Variants in KANK1 observed in about 807,000 individuals in gnomAD.
KANK1 encodes the protein KN motif and ankyrin repeat domains 1, also known as KN motif and ankyrin repeat domain-containing protein 1.
KANK1 carries 109 observed loss-of-function variants against 106.2 expected under a neutral mutation model. That is an observed-to-expected ratio of 1.03 (90% confidence interval 0.88 to 1.20). The LOEUF (loss-of-function observed/expected upper bound fraction) is 1.20. Among genes scored for constraint, KANK1 ranks in the 50% most tolerant of loss-of-function variants. KANK1 has a pLI of 0.00. For missense variants in KANK1, 2,399 were observed against 1,710.7 expected (o/e 1.40, Z -7.10); for synonymous variants, 873 against 652.2 (o/e 1.34, Z -5.16).
At chr9:669,617 T>G (rs556216597) in intron 1 of KANK1, among the ~76,000 whole-genome samples, 1 of 152,284 alleles carries the variant, frequency 6.6e-6, no homozygotes, top group African/African-American at 2.4e-5. Context: ...TTTCTTTGTA[T>G]GTTATATCCT....
chr9:534,830 G>A (rs529468544), intron 1 of KANK1, among the ~76,000 whole-genome samples: 97 of 152,294 alleles, frequency 6.4e-4, no homozygotes, highest in African/African-American at 2.3e-3. Context: ...ATCTTAAGTA[G>A]AAAATTCTAT....
intron 3 of KANK1, among the ~76,000 whole-genome samples, chr9:716,757 A>G (rs964761146): frequency 2.0e-5 from 3 of 152,352 alleles, no homozygotes; most frequent in South Asian, 2.1e-4. Context: ...TAGAGCATGC[A>G]TCATAAGAAA....
intron 1 of KANK1, among the ~76,000 whole-genome samples, chr9:520,209 G>A (rs1310324150): frequency 6.6e-6 from 1 of 151,606 alleles, no homozygotes; most frequent in Admixed American, 6.6e-5. Flanking sequence ...GTGGTAGCAC[G>A]CCCCTGTAGT....
chr9:513,350 T>G (rs990910840), intron 1 of KANK1, among the ~76,000 whole-genome samples: 4 of 152,214 alleles, frequency 2.6e-5, no homozygotes, highest in East Asian at 3.8e-4. Flanking sequence ...TCTTGCTTTT[T>G]TCATTACCAA....
Position 607,583 on chromosome 9 carries a change from C to T in KANK1, c.-83-69307C>T, listed in dbSNP as rs1448339009. ...GGGCTTGTTGGTTCTTGTGCAGATT[C>T]CTGCTCCTGCCCAAGTCCAGGACTA... On this transcript the variant is annotated intron_variant, in intron 1 of 11. Coordinates refer to ENST00000382297, the MANE Select transcript of KANK1 (RefSeq NM_015158.5). Among the ~76,000 whole-genome samples the T allele has an allele frequency of 2.7e-5, 4 of 150,692 alleles. 1 individual carries two copies. Among genetic ancestry groups the T allele is most frequent in the African/African-American group, 9.9e-5 (4 of 40,600 alleles).
At chr9:576,956 A>G (rs971451191) in intron 1 of KANK1, among the ~76,000 whole-genome samples, 1 of 152,168 alleles carries the variant, frequency 6.6e-6, no homozygotes, top group African/African-American at 2.4e-5. Context: ...TACAGTTCTT[A>G]AAGATGGTGT....
At chr9:728,280 C>A (rs1321159283) in intron 3 of KANK1, among the ~76,000 whole-genome samples, 1 of 149,744 alleles carries the variant, frequency 6.7e-6, no homozygotes, top group Non-Finnish European at 1.5e-5. Context: ...GGCACTACAA[C>A]CTCCACCTCC....
At chr9:691,712 C>G (rs144494001) in intron 2 of KANK1, among the ~76,000 whole-genome samples, 2 of 149,424 alleles carry the variant, frequency 1.3e-5, no homozygotes, top group African/African-American at 5.0e-5. Flanking sequence ...CTCCCAGGCT[C>G]AAGTAATCCT....
chr9:499,050 C>T (rs867897586), intron 3 of KANK1, among the ~76,000 whole-genome samples: 13 of 151,732 alleles, frequency 8.6e-5, no homozygotes, highest in East Asian at 1.9e-4. Context: ...TGGTGGCGAG[C>T]GCCTGTAGTC....
chr9:482,907 C>G (rs1237214654), intron 3 of KANK1, among the ~76,000 whole-genome samples: 1 of 152,156 alleles, frequency 6.6e-6, no homozygotes, highest in East Asian at 1.9e-4. Flanking sequence ...TCTTAGCCAT[C>G]CTGCTCTGCC....
intron 3 of KANK1, among the ~76,000 whole-genome samples, chr9:475,805 G>C (rs974348273): frequency 6.6e-6 from 1 of 151,910 alleles, no homozygotes; most frequent in Non-Finnish European, 1.5e-5. Context: ...TCTTCCAGGC[G>C]CTCCCATCTG....
intron 1 of KANK1, among the ~76,000 whole-genome samples, chr9:524,552 C>T (rs2059695750): frequency 6.6e-6 from 1 of 151,692 alleles, no homozygotes; most frequent in Non-Finnish European, 1.5e-5. Flanking sequence ...GTGTCTTGGC[C>T]TGTCACCCAG....
intron 1 of KANK1, among the ~76,000 whole-genome samples, chr9:634,601 C>T (rs1042685077): frequency 6.6e-6 from 1 of 152,132 alleles, no homozygotes. Context: ...CTTTATTAGT[C>T]TTACAAAGGC....
At chr9:593,451 T>TC (rs34970472) in intron 1 of KANK1, among the ~76,000 whole-genome samples, 8,752 of 140,350 alleles carry the variant, frequency 0.062, 816 homozygotes, top group East Asian at 0.21. Context: ...CTTTATACAT[T>TC]CCCCCCCCCC....
intron 1 of KANK1, among the ~76,000 whole-genome samples, chr9:623,938 T>C (rs768823099): frequency 5.3e-5 from 8 of 152,120 alleles, no homozygotes; most frequent in Non-Finnish European, 1.2e-4. Context: ...CCATATTTAT[T>C]TCAGCATTAC....
intron 2 of KANK1, chr9:685,430 A>C (rs147116447): frequency 6.6e-6 from 1 of 152,344 alleles, no homozygotes; most frequent in African/African-American, 2.4e-5. Flanking sequence ...AGATAGAAAA[A>C]CAGAACTATA....
chr9:658,629 A>G (rs1211576782), intron 1 of KANK1, among the ~76,000 whole-genome samples: 1 of 152,038 alleles, frequency 6.6e-6, no homozygotes, highest in East Asian at 1.9e-4. Flanking sequence ...TTTTAGATTT[A>G]AGATTCATTT....
intron 7 of KANK1, among the ~76,000 whole-genome samples, 194 bp from the exon 8 acceptor site, chr9:738,091 T>C (rs1356593964): frequency 1.3e-5 from 2 of 152,228 alleles, no homozygotes; most frequent in Non-Finnish European, 2.9e-5. Flanking sequence ...CATTAGAATC[T>C]ACACGTCATT....
At chr9:708,568 T>C (rs1824981514) in intron 2 of KANK1, among the ~76,000 whole-genome samples, 1 of 152,234 alleles carries the variant, frequency 6.6e-6, no homozygotes, top group African/African-American at 2.4e-5. Context: ...ATTCCTCTGC[T>C]TGGCAATCTT....
Sources: gnomAD v4.1 joint callset for allele counts (sites outside exome capture counted in the v4.1 genomes callset) on GRCh38, gnomAD v4.1.1 for gene constraint, MANE v1.5 for transcripts, NCBI Gene and HGNC (gene_info 2026-07-23, HGNC 2026-07-21) for gene names.